Variants in TMEM135 observed in about 807,000 individuals in gnomAD.
TMEM135 encodes the protein transmembrane protein 135.
A neutral mutation model predicts 60.3 loss-of-function variants in TMEM135; 30 were observed. The ratio of observed to expected loss-of-function variants is 0.50; its 90% CI spans 0.37 to 0.68. The LOEUF (loss-of-function observed/expected upper bound fraction) is 0.68, where lower values mean the gene tolerates loss of function less well. Among genes scored for constraint, TMEM135 ranks in the 30% least tolerant of loss-of-function variants. The probability of loss-of-function intolerance (pLI) is 0.00; values close to 1 mark genes in which losing one functional copy is unlikely to be tolerated. For synonymous variants in TMEM135, 190 were observed against 186.7 expected (o/e 1.02, Z -0.14); for missense variants, 468 against 548.8 (o/e 0.85, Z 1.47).
chr11:87,324,909 GGC>G lies in TMEM135; in HGVS notation c.*3577_*3578del, dbSNP rs1942889877. On this transcript the variant is annotated 3_prime_UTR_variant, in exon 15 of 15. Coordinates refer to ENST00000305494, the MANE Select transcript of TMEM135 (RefSeq NM_022918.4). ...ATACTTCACTCAGCTGAAAATGAGT[GGC>G]CAAGAAAAAAATACAAGAAAAGGAA... 1 of 453,738 alleles carries G rather than the reference GGC, an allele frequency of 2.2e-6. No individual in the cohort carries two copies. The highest frequency in any genetic ancestry group is 1.6e-5 in the South Asian group (1 of 64,458). The allele number at this position is 453,738 out of a possible 1,614,324, so 28.1% of individuals were successfully genotyped here.
At position 87,327,863 on chromosome 11, in the gene TMEM135, C is replaced by T. The variant is rs947990951; in HGVS notation, c.*6530C>T. On this transcript the variant is annotated 3_prime_UTR_variant, in exon 15 of 15. Coordinates refer to ENST00000305494, the MANE Select transcript of TMEM135 (RefSeq NM_022918.4). ...GCAGTTGGAGAAGAGTGTATCCCTG[C>T]TGCAGGGGAGAGAGAGAAGCCAATT... The T allele has an allele frequency of 4.4e-6, 2 of 453,854 alleles. No individual in the cohort carries two copies. Among genetic ancestry groups the T allele is most frequent in the African/African-American group, 4.0e-5 (2 of 49,954 alleles). 28.1% of individuals were successfully genotyped at this position (453,854 alleles called of 1,614,324 possible).
At chr11:87,111,412 C>T (rs1857743186) in intron 4 of TMEM135, among the ~76,000 whole-genome samples, 1 of 151,924 alleles carries the variant, frequency 6.6e-6, no homozygotes, top group Admixed American at 6.6e-5. Context: ...CTTTGGGAGG[C>T]TGAGGCGGGT....
intron 6 of TMEM135, among the ~76,000 whole-genome samples, chr11:87,252,798 ATGTGTGTGTGTG>A (rs558272693): frequency 5.2e-5 from 7 of 134,216 alleles, no homozygotes; most frequent in East Asian, 4.1e-4. Flanking sequence ...TAAAATATAT[ATGTGTGTGTGTG>A]TGTGTGTGTG....
chr11:87,217,017 A>G (rs73527457), intron 5 of TMEM135, among the ~76,000 whole-genome samples: 107 of 152,340 alleles, frequency 7.0e-4, no homozygotes, highest in African/African-American at 2.5e-3. Flanking sequence ...ACAATGAGGG[A>G]ATAGGTCTTT....
intron 7 of TMEM135, 53 bp downstream of exon 7, chr11:87,295,876 A>G: frequency 7.3e-7 from 1 of 1,372,754 alleles, no homozygotes; most frequent in Non-Finnish European, 1.0e-6. Flanking sequence ...TAACTTAAAA[A>G]ATTATACATA....
intron 6 of TMEM135, among the ~76,000 whole-genome samples, chr11:87,263,993 A>G (rs1279147744): frequency 1.3e-5 from 2 of 152,010 alleles, no homozygotes; most frequent in African/African-American, 4.8e-5. Flanking sequence ...CCTAGAAATT[A>G]AGGAAGATAG....
chr11:87,167,930 G>C (rs557350650), intron 5 of TMEM135, among the ~76,000 whole-genome samples: 2 of 151,986 alleles, frequency 1.3e-5, no homozygotes, highest in African/African-American at 4.8e-5. Flanking sequence ...GTGTGAATCT[G>C]TCAGGTCCTG....
rs1942884196 is a variant in TMEM135 at position 87,324,494 on chromosome 11, T to C, written c.*3161T>C. 1 of 453,548 alleles carries C rather than the reference T, an allele frequency of 2.2e-6. No individual in the cohort carries two copies. The highest frequency in any genetic ancestry group is 4.4e-6 in the Non-Finnish European group (1 of 226,704). 28.1% of individuals were successfully genotyped at this position (453,548 alleles called of 1,614,324 possible). ...TGGAGTACAGTGGTGCAATCATAGC[T>C]CATTGAAACCTCAAATTCCTTGGTT... On this transcript the variant is annotated 3_prime_UTR_variant, in exon 15 of 15. Coordinates refer to ENST00000305494, the MANE Select transcript of TMEM135 (RefSeq NM_022918.4).
chr11:87,082,651 G>A (rs903857027), intron 3 of TMEM135, among the ~76,000 whole-genome samples: 1 of 152,182 alleles, frequency 6.6e-6, no homozygotes, highest in African/African-American at 2.4e-5. Flanking sequence ...GTAGATTCAT[G>A]TGTGAAAGCC....
chr11:87,258,509 G>A (rs1941577467), intron 6 of TMEM135, among the ~76,000 whole-genome samples: 1 of 152,100 alleles, frequency 6.6e-6, no homozygotes, highest in Non-Finnish European at 1.5e-5. Context: ...AATGGTCAGG[G>A]GCACATCCCT....
intron 6 of TMEM135, among the ~76,000 whole-genome samples, chr11:87,292,985 C>G (rs924877429): frequency 4.6e-5 from 7 of 152,204 alleles, no homozygotes; most frequent in African/African-American, 1.4e-4. Context: ...TTCAGCATAG[C>G]ACAAAGATAA....
In TMEM135 at chr11:87,279,737, T is replaced by G. The variant is rs377200126; in HGVS notation, c.510-16045T>G. 4.1e-4 allele frequency among the ~76,000 whole-genome samples: 62 copies of G among 152,332 alleles called. 1 individual carries two copies. Among genetic ancestry groups the G allele is most frequent in the African/African-American group, 1.3e-3 (54 of 41,578 alleles). On this transcript the variant is annotated intron_variant, in intron 6 of 14. Transcript: ENST00000305494. ...GCTTACTCCACCTCATGTAACTTAT[T>G]GGTATAGTCTTGGCTTTCATCATTC... is the stretch of plus-strand genomic sequence containing the variant.
intron 6 of TMEM135, among the ~76,000 whole-genome samples, chr11:87,276,821 G>A (rs1300386833): frequency 6.6e-6 from 1 of 151,510 alleles, no homozygotes; most frequent in African/African-American, 2.4e-5. Flanking sequence ...GGCATGCGAG[G>A]CCACCATGCC....
At chr11:87,280,920 G>A (rs1191661818) in intron 6 of TMEM135, among the ~76,000 whole-genome samples, 4 of 152,124 alleles carry the variant, frequency 2.6e-5, no homozygotes, top group Non-Finnish European at 5.9e-5. Context: ...ATGCCTATCA[G>A]CCGTATCCGC....
Position 87,319,384 on chromosome 11 carries a change from G to T in TMEM135, c.1244+7G>T. 1 of 1,605,208 alleles carries T rather than the reference G, an allele frequency of 6.2e-7. No individual in the cohort carries two copies. Among genetic ancestry groups the T allele is most frequent in the Middle Eastern group, 1.7e-4 (1 of 6,036 alleles). ...TAAGACTCACCAAGGGCAAGTAAGTGACTACGTAGTTTTCTTAAAAATATT... is the reference window on the plus strand; with the variant it reads ...TAAGACTCACCAAGGGCAAGTAAGTTACTACGTAGTTTTCTTAAAAATATT... On this transcript the variant is annotated splice_region_variant and intron_variant, in intron 14 of 14. Transcript: ENST00000305494.
intron 6 of TMEM135, among the ~76,000 whole-genome samples, chr11:87,246,098 C>T (rs1224690686): frequency 5.9e-5 from 8 of 135,342 alleles, no homozygotes; most frequent in African/African-American, 2.0e-4. Context: ...TTTTATTTCT[C>T]CTTCACTTAT....
At position 87,264,307 on chromosome 11, in the gene TMEM135, C is replaced by CTT. The variant is rs145849024; in HGVS notation, c.509+27626_509+27627dup. On this transcript the variant is annotated intron_variant, in intron 6 of 14. Coordinates refer to ENST00000305494, the MANE Select transcript of TMEM135 (RefSeq NM_022918.4). ...CTCACTTTTCTTTTCTGTTCTTTTT[C>CTT]TTTTCTTTTTTTTTGTTGTTTGTTT... Among the ~76,000 whole-genome samples, 386 of 146,696 alleles carry CTT rather than the reference C, an allele frequency of 2.6e-3. 2 individuals are homozygous for CTT. Among genetic ancestry groups the CTT allele is most frequent in the African/African-American group, 6.1e-3 (246 of 40,512 alleles).
chr11:87,119,994 A>G (rs1468361759), intron 4 of TMEM135, among the ~76,000 whole-genome samples: 1 of 152,112 alleles, frequency 6.6e-6, no homozygotes, highest in Admixed American at 6.5e-5. Context: ...GACTGAAAAT[A>G]TTCATTTGAA....
At chr11:87,123,699 C>T (rs1937643342) in intron 4 of TMEM135, among the ~76,000 whole-genome samples, 3 of 152,214 alleles carry the variant, frequency 2.0e-5, no homozygotes, top group Non-Finnish European at 4.4e-5. Flanking sequence ...TTTGCTTATT[C>T]CTGCTCTAGC....
Sources: allele counts gnomAD v4.1 joint callset (sites outside exome capture counted in the v4.1 genomes callset), GRCh38; gene constraint gnomAD v4.1.1; transcripts MANE v1.5; gene names NCBI Gene and HGNC (gene_info 2026-07-23, HGNC 2026-07-21).